The following PRPF3 variants were observed in gnomAD, a reference collection of about 807,000 sequenced individuals.
The protein encoded by PRPF3 is U4/U6 small nuclear ribonucleoprotein Prp3.
In PRPF3, 3 loss-of-function variants were observed where a neutral mutation model predicts 89.2. The ratio of observed to expected loss-of-function variants is 0.03; its 90% CI spans 0.02 to 0.09. The LOEUF (loss-of-function observed/expected upper bound fraction) is 0.09. Ranked by LOEUF, PRPF3 falls within the 10% of genes least tolerant of loss-of-function variation. The probability of loss-of-function intolerance (pLI) is 1.00; values close to 1 mark genes in which losing one functional copy is unlikely to be tolerated. For synonymous variants in PRPF3, 270 were observed against 289.1 expected (o/e 0.93, Z 0.67); for missense variants, 463 against 828.8 (o/e 0.56, Z 5.42).
At chr1:150,339,364 G>A (rs1219740044) in intron 8 of PRPF3, among the ~76,000 whole-genome samples, 3 of 143,466 alleles carry the variant, frequency 2.1e-5, no homozygotes, top group Non-Finnish European at 3.0e-5. Context: ...ACAACAGGGT[G>A]AAACTCTGTC....
At chr1:150,337,664 G>A (rs1334039657) in intron 7 of PRPF3, among the ~76,000 whole-genome samples, 1 of 151,624 alleles carries the variant, frequency 6.6e-6, no homozygotes, top group African/African-American at 2.4e-5. Context: ...TGTAGTCCCA[G>A]CTACTCGGGA....
Position 150,346,065 on chromosome 1 carries a change from A to G in PRPF3, c.1688A>G (p.Asn563Ser), listed in dbSNP as rs1456942541. The change falls in exon 13 of 16, where the codon AAT (asparagine) becomes AGT (serine). Residue 563 changes from asparagine (N) to serine (S), a missense_variant. Around this residue, in one of 8 missense-constraint regions of PRPF3, gnomAD observed 261 missense variants for 475.8 expected, o/e 0.55. Transcript: ENST00000324862. ...NPAKKFKIEANAGQLYLTGVV... is the reference protein window; with the variant it reads ...NPAKKFKIEASAGQLYLTGVV... ...GCCAAGAAGTTCAAGATTGAAGCCA[A>G]TGCTGGGCAACTGTACCTGACAGGG... The G allele has an allele frequency of 1.9e-6, 3 of 1,614,108 alleles. No individual in the cohort carries two copies. The highest frequency in any genetic ancestry group is 1.3e-5 in the African/African-American group (1 of 74,932).
chr1:150,329,092 T>G (rs1414161015), intron 4 of PRPF3, among the ~76,000 whole-genome samples: 3 of 148,578 alleles, frequency 2.0e-5, no homozygotes, highest in African/African-American at 5.0e-5. Context: ...TGTAGTGGCG[T>G]GATCTCAGCT....
chr1:150,342,970 A>G (rs1385449781), intron 9 of PRPF3, among the ~76,000 whole-genome samples: 1 of 152,160 alleles, frequency 6.6e-6, no homozygotes, highest in Non-Finnish European at 1.5e-5. Flanking sequence ...TGTCCAGCCT[A>G]AAGTTTCTTT....
chr1:150,341,773 G>A (rs1452067097), intron 9 of PRPF3, among the ~76,000 whole-genome samples: 1 of 145,586 alleles, frequency 6.9e-6, no homozygotes, highest in African/African-American at 2.6e-5. Context: ...CACTATCTCC[G>A]TTCACTGCAA....
chr1:150,328,278 C>T (rs782013127), intron 3 of PRPF3, 42 bp from the exon 4 acceptor site: 41 of 1,606,922 alleles, frequency 2.6e-5, no homozygotes, highest in Non-Finnish European at 3.2e-5. Context: ...CTTCTCCCCA[C>T]GGGGAGGGAT....
At chr1:150,348,111 G>C (rs782603544) in intron 14 of PRPF3, among the ~76,000 whole-genome samples, 2 of 152,090 alleles carry the variant, frequency 1.3e-5, no homozygotes, top group Admixed American at 1.3e-4. Flanking sequence ...GGCCTGGTGT[G>C]ATGGCTTATG....
At chr1:150,343,515 G>A in intron 10 of PRPF3, 63 bp downstream of exon 10, 1 of 1,585,236 alleles carries the variant, frequency 6.3e-7, no homozygotes, top group Non-Finnish European at 8.6e-7. Flanking sequence ...TAATCCTGGA[G>A]GAACTTTAAC....
chr1:150,346,479 A>G lies in PRPF3; in HGVS notation c.1831A>G (p.Thr611Ala), dbSNP rs1172032962. The G allele has an allele frequency of 3.1e-6, 5 of 1,612,448 alleles. No homozygotes were observed. The highest frequency in any genetic ancestry group is 4.2e-6 in the Non-Finnish European group (5 of 1,178,624). The change falls in exon 14 of 16, where the codon ACA (threonine) becomes GCA (alanine). Residue 611 changes from threonine to alanine, a missense_variant. By Grantham distance (58) the Thr-to-Ala change is moderately conservative. This residue lies in a region of PRPF3 where 78 missense variants were observed against 96.6 expected (regional missense o/e 0.81). Coordinates refer to ENST00000324862, the MANE Select transcript of PRPF3 (RefSeq NM_004698.4). ...RIKWDEQTSN[T>A]KGDDDEESDE... is the part of the protein sequence containing the mutation. ...AAAGTGGGATGAACAGACATCTAACACAAAGGGAGATGGTGAATGGGGGTT... is the reference window on the plus strand; with the variant it reads ...AAAGTGGGATGAACAGACATCTAACGCAAAGGGAGATGGTGAATGGGGGTT...
intron 14 of PRPF3, among the ~76,000 whole-genome samples, chr1:150,348,459 C>CTTTTTTTTTTTTTTTTTTTTTTTTTTTTT (rs1553873583): frequency 1.1e-4 from 4 of 34,832 alleles, no homozygotes; most frequent in Admixed American, 4.7e-4. Context: ...TCTACACGTG[C>CTTTTTTTTTTTTTTTTTTTTTTTTTTTTT]ATTTTTTTTT....
intron 8 of PRPF3, among the ~76,000 whole-genome samples, chr1:150,338,923 C>A (rs1657352642): frequency 6.6e-6 from 1 of 152,100 alleles, no homozygotes; most frequent in African/African-American, 2.4e-5. Context: ...GTCTAGAATT[C>A]TTTTTGCTCT....
At chr1:150,347,739 A>G (rs1285176889) in intron 14 of PRPF3, among the ~76,000 whole-genome samples, 1 of 152,012 alleles carries the variant, frequency 6.6e-6, no homozygotes, top group Non-Finnish European at 1.5e-5. Flanking sequence ...AAAAAAAAAA[A>G]ATGCATTTAA....
chr1:150,325,988 T>G, intron 3 of PRPF3, 107 bp downstream of exon 3: 5 of 1,404,020 alleles, frequency 3.6e-6, no homozygotes, highest in Non-Finnish European at 5.0e-6. Flanking sequence ...GAGCAGCAAA[T>G]GTTCAAGAGA....
intron 1 of PRPF3, among the ~76,000 whole-genome samples, chr1:150,322,663 A>G (rs1171157947): frequency 6.6e-6 from 1 of 152,182 alleles, no homozygotes; most frequent in Non-Finnish European, 1.5e-5. Flanking sequence ...GGATATACCA[A>G]AAGTGAGTCT....
Position 150,333,206 on chromosome 1 carries a change from G to A in PRPF3, c.728+7G>A. The stretch of plus-strand genomic sequence containing the variant: ...CCATGGGCATTGCTCCCCCGTGAGT[G>A]TCTATTTCATGGAATACCTTTTCAT... On this transcript the variant is annotated splice_region_variant and intron_variant, in intron 6 of 15. Transcript: ENST00000324862. 1 of 1,613,382 alleles carries A rather than the reference G, an allele frequency of 6.2e-7. No homozygotes were observed. Among genetic ancestry groups the A allele is most frequent in the African/African-American group, 1.3e-5 (1 of 75,040 alleles).
chr1:150,344,683 C>T, intron 12 of PRPF3, 136 bp downstream of exon 12: 1 of 928,352 alleles, frequency 1.1e-6, no homozygotes, highest in Non-Finnish European at 1.7e-6. Context: ...TAGTGTGGAT[C>T]AAGAGCTAGT....
chr1:150,341,795 C>A (rs1437657508), intron 9 of PRPF3, among the ~76,000 whole-genome samples: 1 of 151,212 alleles, frequency 6.6e-6, no homozygotes, highest in Non-Finnish European at 1.5e-5. Context: ...TTTCACCCCC[C>A]TGGGTTGAAG....
In PRPF3 at chr1:150,332,745, T is replaced by C; in HGVS notation, c.485T>C (p.Phe162Ser). The part of the protein sequence containing the change: ...QIEERKKQLS[F>S]ISPPTPQPKT... The stretch of plus-strand genomic sequence containing the variant: ...GAGGAGAGGAAAAAACAGCTGAGCT[T>C]CATTAGCCCCCCTACACCTCAGGTA... Residue 162 changes from phenylalanine to serine, a missense_variant, in exon 5 of 16, where the codon TTC (phenylalanine) becomes TCC (serine). By Grantham distance (155) the Phe-to-Ser change is radical (BLOSUM62 -2). Around this residue, in one of 8 missense-constraint regions of PRPF3, gnomAD observed 38 missense variants for 48.3 expected, o/e 0.79. Coordinates refer to ENST00000324862, the MANE Select transcript of PRPF3 (RefSeq NM_004698.4). 6.2e-7 allele frequency: 1 copy of C among 1,614,116 alleles called. No homozygotes were observed. The highest frequency in any genetic ancestry group is 2.2e-5 in the East Asian group (1 of 44,884).
chr1:150,325,135 A>C, intron 2 of PRPF3, 48 bp downstream of exon 2: 2 of 1,599,816 alleles, frequency 1.3e-6, no homozygotes, highest in South Asian at 1.1e-5. Context: ...GGTGACCCCA[A>C]ACACTGCTTT....
Sources: allele counts gnomAD v4.1 joint callset (sites outside exome capture counted in the v4.1 genomes callset), GRCh38; gene constraint gnomAD v4.1.1; regional missense constraint gnomAD v4.1.1; transcripts MANE v1.5; gene names NCBI Gene and HGNC (gene_info 2026-07-23, HGNC 2026-07-21).